Variants in TMEM229B observed in about 807,000 individuals in gnomAD.
TMEM229B encodes transmembrane protein 229B.
A neutral mutation model predicts 13.7 loss-of-function variants in TMEM229B; 6 were observed. That is an observed-to-expected ratio of 0.44 (90% CI 0.24 to 0.86). TMEM229B has a LOEUF of 0.86. TMEM229B is among the 40% of genes least tolerant of loss of function. The probability of loss-of-function intolerance (pLI) is 0.23; values close to 1 mark genes in which losing one functional copy is unlikely to be tolerated. For synonymous variants in TMEM229B, 107 were observed against 102.1 expected (o/e 1.05, Z -0.29); for missense variants, 170 against 236.0 (o/e 0.72, Z 1.83).
At chr14:67,497,170 G>A (rs907376049) in intron 1 of TMEM229B, among the ~76,000 whole-genome samples, 2 of 152,122 alleles carry the variant, frequency 1.3e-5, no homozygotes, top group African/African-American at 4.8e-5. Flanking sequence ...GGGAGAGCTC[G>A]TGGGTGGTGT....
At chr14:67,532,907 C>A (rs934032066) in intron 1 of TMEM229B, among the ~76,000 whole-genome samples, 4 of 151,664 alleles carry the variant, frequency 2.6e-5, no homozygotes, top group African/African-American at 9.7e-5. Context: ...TATTTGGGGT[C>A]AAGCAGATCC....
rs2030765671 is a variant in TMEM229B at position 67,472,035 on chromosome 14, A to G, written c.*1385T>C. On this transcript the variant is annotated 3_prime_UTR_variant, in exon 3 of 3. Coordinates refer to ENST00000554480, the MANE Select transcript of TMEM229B (RefSeq NM_001348543.2). Reference sequence around the variant, plus strand: ...CAGCAATGGACCTGTCACAGGACAAAGTGGGGCAGGGGAACCAAGGTGCCA... The same window carrying G: ...CAGCAATGGACCTGTCACAGGACAAGGTGGGGCAGGGGAACCAAGGTGCCA... The G allele has an allele frequency of 1.3e-5, 2 of 152,322 alleles. No homozygotes were observed. Among genetic ancestry groups the G allele is most frequent in the South Asian group, 4.1e-4 (2 of 4,828 alleles). 9.4% of individuals were successfully genotyped at this position (152,322 alleles called of 1,614,324 possible).
upstream of TMEM229B, among the ~76,000 whole-genome samples, chr14:67,491,864 C>G (rs1594696410): frequency 6.6e-6 from 1 of 152,282 alleles, no homozygotes; most frequent in Non-Finnish European, 1.5e-5. Context: ...CTGTCCAGCT[C>G]CCCCAGGAAG....
intron 2 of TMEM229B, among the ~76,000 whole-genome samples, chr14:67,475,083 T>C (rs1464746648): frequency 1.3e-5 from 2 of 152,078 alleles, no homozygotes; most frequent in Non-Finnish European, 2.9e-5. Flanking sequence ...GCCCGGCTAA[T>C]TTTTGAATTT....
chr14:67,507,394 C>T (rs1594711402), intron 1 of TMEM229B, among the ~76,000 whole-genome samples: 1 of 151,984 alleles, frequency 6.6e-6, no homozygotes, highest in South Asian at 2.1e-4. Flanking sequence ...CCAGAGACCT[C>T]AAGTTCTGGA....
At chr14:67,504,265 C>G (rs2032732923) in intron 1 of TMEM229B, among the ~76,000 whole-genome samples, 1 of 152,162 alleles carries the variant, frequency 6.6e-6, no homozygotes, top group African/African-American at 2.4e-5. Flanking sequence ...GCGCTTACCT[C>G]AGCCTCCCAA....
At chr14:67,511,524 T>C (rs2033026162) in intron 1 of TMEM229B, among the ~76,000 whole-genome samples, 1 of 151,932 alleles carries the variant, frequency 6.6e-6, no homozygotes, top group Non-Finnish European at 1.5e-5. Context: ...AATATTAAAC[T>C]CCCTACTGGG....
upstream of TMEM229B, among the ~76,000 whole-genome samples, chr14:67,491,250 G>C (rs2032156290): frequency 6.6e-6 from 1 of 152,180 alleles, no homozygotes; most frequent in East Asian, 1.9e-4. Flanking sequence ...TGACGTATTG[G>C]GGGGTCACCC....
intron 1 of TMEM229B, among the ~76,000 whole-genome samples, chr14:67,494,988 G>A (rs1042010353): frequency 6.6e-6 from 1 of 152,168 alleles, no homozygotes; most frequent in Non-Finnish European, 1.5e-5. Flanking sequence ...GGGGCAAAAT[G>A]TTAATCACAG....
chr14:67,514,535 T>G (rs1256326595), intron 1 of TMEM229B, among the ~76,000 whole-genome samples: 1 of 152,048 alleles, frequency 6.6e-6, no homozygotes, highest in Admixed American at 6.5e-5. Context: ...AGTTTTTCCA[T>G]GCACCCTGGG....
chr14:67,517,388 C>G (rs7144333), upstream of TMEM229B, among the ~76,000 whole-genome samples: 1 of 151,788 alleles, frequency 6.6e-6, no homozygotes, highest in African/African-American at 2.4e-5. Context: ...GCACGGTAGG[C>G]GCCGGGCTCA....
chr14:67,489,977 G>A (rs57040446), upstream of TMEM229B, among the ~76,000 whole-genome samples: 1,528 of 143,804 alleles, frequency 0.011, 19 homozygotes, highest in East Asian at 0.077. Context: ...GCGACAGAGC[G>A]AGACTCCGTC....
At chr14:67,505,165 T>C (rs2032772512) in intron 1 of TMEM229B, among the ~76,000 whole-genome samples, 1 of 151,600 alleles carries the variant, frequency 6.6e-6, no homozygotes, top group Non-Finnish European at 1.5e-5. Flanking sequence ...TCAAAAGAGG[T>C]GCGCAAGGGC....
intron 1 of TMEM229B, chr14:67,503,696 T>C (rs967463804): frequency 6.1e-5 from 9 of 147,850 alleles, no homozygotes; most frequent in Non-Finnish European, 1.2e-4. Flanking sequence ...TTTTAAATTA[T>C]TTTTATTTTT....
At chr14:67,499,546 A>G (rs1306057625) in intron 1 of TMEM229B, among the ~76,000 whole-genome samples, 1 of 152,254 alleles carries the variant, frequency 6.6e-6, no homozygotes, top group Non-Finnish European at 1.5e-5. Context: ...GATGAAGTCA[A>G]ATAAATAGGT....
At chr14:67,489,531 CT>C (rs947651300), upstream of TMEM229B, among the ~76,000 whole-genome samples, 35 of 152,330 alleles carry the variant, frequency 2.3e-4, no homozygotes, top group African/African-American at 8.2e-4. Context: ...GCACTGTCAT[CT>C]CTCCTGCCCT....
At chr14:67,520,764 A>G (rs1198954519) in intron 1 of TMEM229B, among the ~76,000 whole-genome samples, 1 of 152,250 alleles carries the variant, frequency 6.6e-6, no homozygotes, top group Non-Finnish European at 1.5e-5. Context: ...TTAAGAATAA[A>G]GCTGCTATAA....
intron 2 of TMEM229B, among the ~76,000 whole-genome samples, chr14:67,474,469 C>T (rs945042815): frequency 2.0e-5 from 3 of 152,188 alleles, no homozygotes; most frequent in African/African-American, 7.2e-5. Context: ...CAGGCCTATC[C>T]ACTGGGGACC....
At chr14:67,519,283 G>T (rs1021829727), upstream of TMEM229B, among the ~76,000 whole-genome samples, 1 of 152,208 alleles carries the variant, frequency 6.6e-6, no homozygotes, top group African/African-American at 2.4e-5. Context: ...CATTGGAAAA[G>T]AATATGATCA....
Sources: allele counts gnomAD v4.1 joint callset (sites outside exome capture counted in the v4.1 genomes callset), GRCh38; gene constraint gnomAD v4.1.1; transcripts MANE v1.5; gene names NCBI Gene and HGNC (gene_info 2026-07-23, HGNC 2026-07-21).